QKI: variants seen among roughly 807,000 people sequenced by gnomAD.
QKI encodes KH domain-containing RNA-binding protein QKI.
QKI carries 10 observed loss-of-function variants against 39.0 expected under a neutral mutation model. The ratio of observed to expected loss-of-function variants is 0.26; its 90% CI spans 0.16 to 0.43. The LOEUF is 0.43. Ranked by LOEUF, QKI falls within the 20% of genes least tolerant of loss-of-function variation. The pLI, the probability that QKI is intolerant of heterozygous loss-of-function variation, is 1.00. For synonymous variants in QKI, 204 were observed against 155.4 expected, an observed-to-expected ratio of 1.31 and a Z score of -2.33; for missense variants, 218 against 428.0, an observed-to-expected ratio of 0.51 and a Z score of 4.33.
chr6:163,488,353 A>G (rs761969957), intron 3 of QKI, among the ~76,000 whole-genome samples: 38 of 152,112 alleles, frequency 2.5e-4, no homozygotes, highest in South Asian at 2.1e-4. Flanking sequence ...GAGAGAGAGA[A>G]AGAAATAGTG....
At chr6:163,510,217 A>AAATTATAATAAT (rs1389217749) in intron 3 of QKI, among the ~76,000 whole-genome samples, 5 of 136,276 alleles carry the variant, frequency 3.7e-5, no homozygotes, top group African/African-American at 8.2e-5. Context: ...CTCTATCTCA[A>AAATTATAATAAT]AATAATAATA....
intron 1 of QKI, among the ~76,000 whole-genome samples, chr6:163,426,933 A>G (rs1788451670): frequency 1.3e-5 from 2 of 152,270 alleles, no homozygotes; most frequent in African/African-American, 4.8e-5. Flanking sequence ...TTTGATGTTA[A>G]AATTATTACA....
Position 163,476,464 on chromosome 6 carries a change from A to AC in QKI, c.286-2316_286-2315insC, listed in dbSNP as rs559337587. Among the ~76,000 whole-genome samples the AC allele has an allele frequency of 8.5e-4, 129 of 152,330 alleles. 1 individual carries two copies. Among genetic ancestry groups the AC allele is most frequent in the South Asian group, 3.9e-3 (19 of 4,832 alleles). ...GAATTAGGAGCTTGTGTTCATGAACAGAGCTGTCCGCTGCCAACCTTAATT... is the reference window on the plus strand; with the variant it reads ...GAATTAGGAGCTTGTGTTCATGAACACGAGCTGTCCGCTGCCAACCTTAATT... On this transcript the variant is annotated intron_variant, in intron 2 of 7. Coordinates refer to ENST00000361752, the MANE Select transcript of QKI (RefSeq NM_006775.3).
Position 163,566,788 on chromosome 6 carries a change from A to G in QKI, c.1002A>G (p.Ala334=). 6.2e-7 allele frequency: 1 copy of G among 1,613,734 alleles called. No individual in the cohort carries two copies. The highest frequency in any genetic ancestry group is 8.5e-7 in the Non-Finnish European group (1 of 1,179,804). Residue 334 remains alanine (A), a synonymous_variant, in exon 7 of 8, where the codon GCA becomes GCG. Coordinates refer to ENST00000361752, the MANE Select transcript of QKI (RefSeq NM_006775.3). ...ATCCTTACCAAAGGATTGTGACCGC[A>G]GACCGAGGTTAGTTTAGTTCTGCAG... is the stretch of plus-strand genomic sequence containing the variant. The part of the protein sequence containing the change: ...RVHPYQRIVT[A]DRAATGN
At chr6:163,546,658 A>G (rs1277653444) in intron 4 of QKI, among the ~76,000 whole-genome samples, 3 of 152,194 alleles carry the variant, frequency 2.0e-5, no homozygotes, top group African/African-American at 7.2e-5. Flanking sequence ...TAAAATTAAG[A>G]TAGTAACCAT....
Position 163,574,595 on chromosome 6 carries a change from G to A in QKI, c.*3885G>A, listed in dbSNP as rs2128254118. 1 of 152,268 alleles carries A rather than the reference G, an allele frequency of 6.6e-6. No individual in the cohort carries two copies. The highest frequency in any genetic ancestry group is 1.5e-5 in the Non-Finnish European group (1 of 68,010). The allele number at this position is 152,268 out of a possible 1,614,324, so 9.4% of individuals were successfully genotyped here. On this transcript the variant is annotated 3_prime_UTR_variant, in exon 8 of 8. Transcript: ENST00000361752. ...GAATAACATTGGGATTTGAAAAGTT[G>A]TATGTGATTAATTTCTTGCATGCAA...
rs1014868169 is a variant in QKI, at chr6:163,573,581, C to T, written c.*2871C>T. The T allele has an allele frequency of 9.9e-5, 15 of 152,160 alleles. No individual in the cohort carries two copies. The highest frequency in any genetic ancestry group is 2.7e-4 in the African/African-American group (11 of 41,426). 9.4% of individuals were successfully genotyped at this position (152,160 alleles called of 1,614,324 possible). On this transcript the variant is annotated 3_prime_UTR_variant, in exon 8 of 8. Coordinates refer to ENST00000361752, the MANE Select transcript of QKI (RefSeq NM_006775.3). ...AAAAGGATACAAAATGCAAAATCCA[C>T]AATTTTGATAACTGAAAATTGCCAA...
intron 2 of QKI, among the ~76,000 whole-genome samples, chr6:163,471,036 T>C (rs1415457443): frequency 6.6e-6 from 1 of 152,198 alleles, no homozygotes; most frequent in Non-Finnish European, 1.5e-5. Context: ...TGTGGTTTTC[T>C]TTATATTTAT....
chr6:163,460,867 G>A (rs1213331191), intron 2 of QKI, among the ~76,000 whole-genome samples: 2 of 151,616 alleles, frequency 1.3e-5, no homozygotes, highest in African/African-American at 2.4e-5. Context: ...GCCTGAATAT[G>A]ATCATATTTT....
intron 3 of QKI, among the ~76,000 whole-genome samples, chr6:163,488,130 A>G (rs1777794187): frequency 6.6e-6 from 1 of 152,060 alleles, no homozygotes; most frequent in Non-Finnish European, 1.5e-5. Flanking sequence ...ATTATTTTTA[A>G]CTGGCGCTCA....
At position 163,453,799 on chromosome 6, in the gene QKI, T is replaced by C. The variant is rs576451492; in HGVS notation, c.143-1480T>C. On this transcript the variant is annotated intron_variant, in intron 1 of 7. Transcript: ENST00000361752. ...GTAAGCTTTGACAAACAAATTGTTA[T>C]TTAAGAGATAAAATTTGTAATATGA... Among the ~76,000 whole-genome samples, 10 of 152,302 alleles carry C rather than the reference T, an allele frequency of 6.6e-5. No individual in the cohort carries two copies. In the South Asian group the frequency reaches 1.2e-3, roughly 19 times the overall value.
At chr6:163,561,845 T>C (rs777279209) in intron 4 of QKI, 137 bp from the exon 5 acceptor site, 4 of 549,972 alleles carry the variant, frequency 7.3e-6, no homozygotes. Context: ...ACCTTTTGGT[T>C]CTTGATCTTT....
At chr6:163,442,435 C>T (rs931147254) in intron 1 of QKI, among the ~76,000 whole-genome samples, 2 of 152,084 alleles carry the variant, frequency 1.3e-5, no homozygotes, top group Non-Finnish European at 2.9e-5. Flanking sequence ...AAAGTTTGAA[C>T]AGAGGAGTGA....
chr6:163,418,632 C>T (rs539185916), intron 1 of QKI, among the ~76,000 whole-genome samples: 1 of 152,082 alleles, frequency 6.6e-6, no homozygotes, highest in South Asian at 2.1e-4. Flanking sequence ...AGTTTGAAAC[C>T]TTTTATTGAA....
Position 163,563,446 on chromosome 6 carries a change from A to G in QKI, c.661A>G (p.Thr221Ala). The G allele has an allele frequency of 6.2e-7, 1 of 1,609,992 alleles. No homozygotes were observed. Among genetic ancestry groups the G allele is most frequent in the Non-Finnish European group, 8.5e-7 (1 of 1,177,410 alleles). Residue 221 changes from threonine to alanine, a missense_variant, in exon 6 of 8, where the codon ACA becomes GCA. Thr to Ala is a moderately conservative substitution (Grantham distance 58). Around this residue, in one of 3 missense-constraint regions of QKI, gnomAD observed 117 missense variants for 186.0 expected, o/e 0.63. Coordinates refer to ENST00000361752, the MANE Select transcript of QKI (RefSeq NM_006775.3). ...AGCCCTTGCCTTTTCTCTTGCAGCA[A>G]CAGCCCAGGCTGCTCCAAGGATCAT... ...SPALAFSLAATAQAAPRIITG... is the reference protein window; with the variant it reads ...SPALAFSLAAAAQAAPRIITG...
At chr6:163,481,723 A>T (rs1793089933) in intron 3 of QKI, among the ~76,000 whole-genome samples, 1 of 152,168 alleles carries the variant, frequency 6.6e-6, no homozygotes, top group African/African-American at 2.4e-5. Flanking sequence ...AACAGCATTG[A>T]TTTAGTGCAT....
intron 1 of QKI, chr6:163,416,631 T>G (rs905941911): frequency 3.3e-5 from 5 of 152,132 alleles, no homozygotes; most frequent in African/African-American, 1.2e-4. Context: ...TGATAAAAAA[T>G]GGTTAAAGAA....
intron 4 of QKI, among the ~76,000 whole-genome samples, chr6:163,552,620 T>C (rs574238506): frequency 7.2e-5 from 11 of 152,200 alleles, no homozygotes; most frequent in African/African-American, 2.2e-4. Flanking sequence ...TGTATAAAAG[T>C]GGACCTGCAT....
At chr6:163,483,223 C>T (rs909792221) in intron 3 of QKI, among the ~76,000 whole-genome samples, 13 of 152,190 alleles carry the variant, frequency 8.5e-5, no homozygotes, top group East Asian at 3.8e-4. Context: ...TAATGATCAT[C>T]TGAGCCTTCA....
Sources: allele counts gnomAD v4.1 joint callset (sites outside exome capture counted in the v4.1 genomes callset), GRCh38; gene constraint gnomAD v4.1.1; regional missense constraint gnomAD v4.1.1; transcripts MANE v1.5; gene names NCBI Gene and HGNC (gene_info 2026-07-23, HGNC 2026-07-21).